Variants in DORIP1 observed in about 807,000 individuals in gnomAD.
DORIP1 encodes dopamine receptor interacting protein 1, also known as dopamine receptor-interacting protein 1.
the DORIP1 span, among the ~76,000 whole-genome samples, chr14:44,898,628 C>T: frequency 1.3e-5 from 2 of 152,092 alleles, no homozygotes; most frequent in East Asian, 3.8e-4. Context: ...GTAAACAAAA[C>T]GAATCAGTAT....
At chr14:44,903,550 C>A in the DORIP1 span, 1 of 1,078,678 alleles carries the variant, frequency 9.3e-7, no homozygotes, top group Non-Finnish European at 1.1e-6. Flanking sequence ...TTAACTGGAA[C>A]CCAGCTAATT....
the DORIP1 span, chr14:44,906,682 GTT>G: frequency 6.6e-6 from 1 of 152,480 alleles, no homozygotes; most frequent in African/African-American, 2.4e-5. Flanking sequence ...CCATTTTAGT[GTT>G]TACATTTCAA....
the DORIP1 span, chr14:44,900,503 G>C: frequency 1.2e-5 from 19 of 1,585,016 alleles, no homozygotes; most frequent in South Asian, 2.1e-4. Flanking sequence ...CGATCATTTT[G>C]TAGGCCTGTT....
the DORIP1 span, chr14:44,903,806 A>G: frequency 8.1e-6 from 8 of 983,672 alleles, no homozygotes; most frequent in Non-Finnish European, 9.7e-6. Context: ...TATTAAGTCC[A>G]GAAAGTGAAC....
the DORIP1 span, among the ~76,000 whole-genome samples, chr14:44,899,823 AATT>A: frequency 8.6e-4 from 115 of 134,430 alleles, 6 homozygotes; most frequent in African/African-American, 3.6e-3. Context: ...TTCATTTAGG[AATT>A]TTTTTTTTTT....
At chr14:44,904,412 A>C in the DORIP1 span, 2 of 1,610,686 alleles carry the variant, frequency 1.2e-6, no homozygotes, top group Non-Finnish European at 1.7e-6. Context: ...GGCTTAAGAG[A>C]ATTTTCCCAA....
At chr14:44,902,771 A>G in the DORIP1 span, among the ~76,000 whole-genome samples, 2 of 152,158 alleles carry the variant, frequency 1.3e-5, no homozygotes, top group Admixed American at 6.5e-5. Flanking sequence ...AAAAAATCCT[A>G]TATTTAAAGC....
At chr14:44,904,649 T>G in the DORIP1 span, 1 of 1,063,224 alleles carries the variant, frequency 9.4e-7, no homozygotes, top group South Asian at 2.0e-5. Context: ...GTCTCTAAAT[T>G]TATGTATTCT....
the DORIP1 span, chr14:44,900,949 A>G: frequency 1.3e-6 from 2 of 1,571,496 alleles, no homozygotes; most frequent in Non-Finnish European, 1.7e-6. Flanking sequence ...GCAGCGCACA[A>G]TTAATATAAA....
chr14:44,904,124 A>G, the DORIP1 span: 1 of 985,350 alleles, frequency 1.0e-6, no homozygotes, highest in African/African-American at 1.7e-5. Flanking sequence ...TCAGTTCTGC[A>G]GAGTTATGCT....
At chr14:44,903,548 A>C in the DORIP1 span, 1 of 1,080,462 alleles carries the variant, frequency 9.3e-7, no homozygotes, top group Non-Finnish European at 1.1e-6. Flanking sequence ...GGTTAACTGG[A>C]ACCCAGCTAA....
At chr14:44,902,930 T>G in the DORIP1 span, among the ~76,000 whole-genome samples, 1 of 152,180 alleles carries the variant, frequency 6.6e-6, no homozygotes, top group African/African-American at 2.4e-5. Context: ...CCAGATTGCC[T>G]CTTTTGAATC....
chr14:44,899,766 C>T, the DORIP1 span, among the ~76,000 whole-genome samples: 2 of 148,176 alleles, frequency 1.3e-5, no homozygotes, highest in Admixed American at 6.7e-5. Context: ...AGGAGGTTTA[C>T]ATTAGGAATA....
chr14:44,903,284 G>A, the DORIP1 span: 2 of 1,612,412 alleles, frequency 1.2e-6, no homozygotes, highest in Middle Eastern at 1.6e-4. Context: ...ATTGAACTGT[G>A]TGAAGAGCAT....
chr14:44,897,922 C>T, the DORIP1 span, among the ~76,000 whole-genome samples: 1 of 152,180 alleles, frequency 6.6e-6, no homozygotes, highest in Non-Finnish European at 1.5e-5. Flanking sequence ...TGAGAGGGGA[C>T]TTTTAGAATC....
chr14:44,900,837 T>C, the DORIP1 span: 3 of 1,614,120 alleles, frequency 1.9e-6, no homozygotes, highest in African/African-American at 1.3e-5. Flanking sequence ...TGTTTGGGAA[T>C]GAGCATGATA....
chr14:44,904,750 T>C, the DORIP1 span: 1 of 398,444 alleles, frequency 2.5e-6, no homozygotes, highest in Non-Finnish European at 4.2e-6. Context: ...AGAATTGGGT[T>C]CAAATCCTAG....
At chr14:44,898,049 T>A in the DORIP1 span, among the ~76,000 whole-genome samples, 14 of 152,280 alleles carry the variant, frequency 9.2e-5, no homozygotes, top group African/African-American at 3.1e-4. Context: ...AGATGTTTTG[T>A]CAAAGAAATA....
At chr14:44,904,586 ATAT>A in the DORIP1 span, 1 of 1,475,714 alleles carries the variant, frequency 6.8e-7, no homozygotes, top group Non-Finnish European at 9.1e-7. Flanking sequence ...TTATCCTGTT[ATAT>A]TATGATTTTG....
Sources: allele counts gnomAD v4.1 joint callset (sites outside exome capture counted in the v4.1 genomes callset), GRCh38; gene constraint gnomAD v4.1.1; transcripts MANE v1.5; gene names NCBI Gene and HGNC (gene_info 2026-07-23, HGNC 2026-07-21).